The following SEMA6D variants were observed in gnomAD, a reference collection of about 807,000 sequenced individuals.
SEMA6D encodes semaphorin 6D, also known as semaphorin-6D.
Under a neutral mutation model 106.6 loss-of-function variants are expected in SEMA6D, and 35 were observed. The ratio of observed to expected loss-of-function variants is 0.33; its 90% confidence interval spans 0.25 to 0.44. The LOEUF (loss-of-function observed/expected upper bound fraction) is 0.44. Ranked by LOEUF, SEMA6D falls within the 20% of genes least tolerant of loss-of-function variation. The probability of loss-of-function intolerance (pLI) is 1.00; values close to 1 mark genes in which losing one functional copy is unlikely to be tolerated. For missense variants in SEMA6D, 1,185 were observed against 1,345.9 expected (o/e 0.88, Z 1.87); for synonymous variants, 499 against 487.7 (o/e 1.02, Z -0.31).
At chr15:47,434,510 G>A (rs1163513559) in intron 2 of SEMA6D, among the ~76,000 whole-genome samples, 1 of 151,814 alleles carries the variant, frequency 6.6e-6, no homozygotes, top group African/African-American at 2.4e-5. Context: ...GTTTTCTGCT[G>A]TTTTCCTTAT....
chr15:47,502,443 C>T (rs12440247), intron 3 of SEMA6D, among the ~76,000 whole-genome samples: 8 of 152,064 alleles, frequency 5.3e-5, no homozygotes, highest in Admixed American at 1.3e-4. Context: ...GGTCCTGCCC[C>T]CTAAATGAAA....
At chr15:47,223,427 G>A (rs530986123) in intron 1 of SEMA6D, among the ~76,000 whole-genome samples, 1 of 152,148 alleles carries the variant, frequency 6.6e-6, no homozygotes, top group Admixed American at 6.6e-5. Flanking sequence ...GGGTCTTCCT[G>A]AAGTTTGAGT....
At chr15:47,205,021 G>A (rs1387466646) in intron 1 of SEMA6D, among the ~76,000 whole-genome samples, 2 of 152,120 alleles carry the variant, frequency 1.3e-5, no homozygotes, top group African/African-American at 4.8e-5. Context: ...TGGTTGAAGA[G>A]AAAGCTATAT....
At chr15:47,708,601 A>G (rs968531553) in intron 4 of SEMA6D, among the ~76,000 whole-genome samples, 1 of 152,166 alleles carries the variant, frequency 6.6e-6, no homozygotes. Flanking sequence ...GTGCTCTCTC[A>G]CTTATTATTC....
intron 2 of SEMA6D, among the ~76,000 whole-genome samples, chr15:47,421,701 A>AG (rs1452861586): frequency 1.3e-5 from 2 of 151,864 alleles, no homozygotes; most frequent in Non-Finnish European, 2.9e-5. Flanking sequence ...CTTTTAGATA[A>AG]GGGGGGATCA....
chr15:47,543,680 TA>T (rs1761996450), intron 3 of SEMA6D, among the ~76,000 whole-genome samples: 2 of 152,004 alleles, frequency 1.3e-5, no homozygotes, highest in Admixed American at 6.6e-5. Flanking sequence ...CTTTTTAAAT[TA>T]TTTTTTTTCA....
intron 4 of SEMA6D, among the ~76,000 whole-genome samples, chr15:47,626,409 T>C (rs1350444531): frequency 6.6e-6 from 1 of 152,200 alleles, no homozygotes; most frequent in African/African-American, 2.4e-5. Context: ...AGAAGTGCTC[T>C]TCTTAATCAA....
intron 4 of SEMA6D, among the ~76,000 whole-genome samples, chr15:47,629,484 T>G (rs1279902573): frequency 6.6e-6 from 1 of 152,002 alleles, no homozygotes; most frequent in Non-Finnish European, 1.5e-5. Context: ...TCAGTACATG[T>G]GAGTGTTTGT....
At chr15:47,666,013 C>T (rs981861399) in intron 4 of SEMA6D, among the ~76,000 whole-genome samples, 6 of 152,156 alleles carry the variant, frequency 3.9e-5, no homozygotes, top group African/African-American at 1.4e-4. Flanking sequence ...CCCAATTCTT[C>T]GACTGCAAAA....
chr15:47,730,545 G>T (rs1204482361), intron 1 of SEMA6D: 3 of 1,325,708 alleles, frequency 2.3e-6, no homozygotes, highest in Non-Finnish European at 3.3e-6. Flanking sequence ...AGGACAGGTG[G>T]TCTCTTCGTG....
intron 3 of SEMA6D, among the ~76,000 whole-genome samples, chr15:47,551,530 G>A (rs552383198): frequency 1.4e-4 from 21 of 152,234 alleles, no homozygotes; most frequent in African/African-American, 4.6e-4. Context: ...AAAGAAGAGG[G>A]GAGAATGAAG....
At chr15:47,512,801 G>A (rs1339139619) in intron 3 of SEMA6D, among the ~76,000 whole-genome samples, 3 of 152,200 alleles carry the variant, frequency 2.0e-5, no homozygotes, top group African/African-American at 7.2e-5. Context: ...TGACTATGGT[G>A]ATTTGCCTCT....
At chr15:47,624,339 A>G (rs1321596116) in intron 4 of SEMA6D, among the ~76,000 whole-genome samples, 1 of 152,158 alleles carries the variant, frequency 6.6e-6, no homozygotes, top group Non-Finnish European at 1.5e-5. Flanking sequence ...CATTTCTATT[A>G]GCCTAGGGGA....
chr15:47,256,668 G>A (rs1228038180), intron 1 of SEMA6D, among the ~76,000 whole-genome samples: 1 of 152,074 alleles, frequency 6.6e-6, no homozygotes, highest in Admixed American at 6.5e-5. Flanking sequence ...AGACCAGCCT[G>A]ACCAACATGG....
intron 1 of SEMA6D, among the ~76,000 whole-genome samples, chr15:47,276,506 T>C (rs544202083): frequency 6.6e-6 from 1 of 152,270 alleles, no homozygotes; most frequent in Admixed American, 6.5e-5. Flanking sequence ...TTATGCTAAC[T>C]CTGCTCTGTT....
chr15:47,530,393 AAAC>A (rs2044919532), intron 3 of SEMA6D, among the ~76,000 whole-genome samples: 1 of 152,226 alleles, frequency 6.6e-6, no homozygotes, highest in African/African-American at 2.4e-5. Flanking sequence ...CTGGAATTTA[AAAC>A]AACAAAATTA....
chr15:47,359,917 G>C (rs1397252850), intron 1 of SEMA6D: 1 of 152,140 alleles, frequency 6.6e-6, no homozygotes, highest in African/African-American at 2.4e-5. Flanking sequence ...AAAGATGGTA[G>C]GGCAATACTT....
chr15:47,413,832 A>G (rs1373047095), intron 2 of SEMA6D, among the ~76,000 whole-genome samples: 2 of 152,156 alleles, frequency 1.3e-5, no homozygotes, highest in East Asian at 3.9e-4. Context: ...ATGTGGTCTT[A>G]TAGCAGATCC....
At chr15:47,391,790 T>A (rs1209158574) in intron 1 of SEMA6D, among the ~76,000 whole-genome samples, 1 of 152,058 alleles carries the variant, frequency 6.6e-6, no homozygotes, top group Non-Finnish European at 1.5e-5. Flanking sequence ...AAAGGCTAGA[T>A]TTTTTGAAAA....
Sources: gnomAD v4.1 joint callset for allele counts (sites outside exome capture counted in the v4.1 genomes callset) on GRCh38, gnomAD v4.1.1 for gene constraint, MANE v1.5 for transcripts, NCBI Gene and HGNC (gene_info 2026-07-23, HGNC 2026-07-21) for gene names.